SYNJ1: variants seen among roughly 807,000 people sequenced by gnomAD.
SYNJ1 encodes synaptojanin 1.
A neutral mutation model predicts 168.2 loss-of-function variants in SYNJ1; 78 were observed. The ratio of observed to expected loss-of-function variants is 0.46; its 90% confidence interval spans 0.39 to 0.56. SYNJ1 has a LOEUF of 0.56. Among genes scored for constraint, SYNJ1 ranks in the 20% least tolerant of loss-of-function variants. The pLI is 0.00. For synonymous variants in SYNJ1, 539 were observed against 548.6 expected, an observed-to-expected ratio of 0.98 and a Z score of 0.24; for missense variants, 1,303 against 1,597.6, an observed-to-expected ratio of 0.82 and a Z score of 3.14.
At chr21:32,706,160 C>A (rs749273638) in intron 2 of SYNJ1, among the ~76,000 whole-genome samples, 1 of 152,198 alleles carries the variant, frequency 6.6e-6, no homozygotes, top group Non-Finnish European at 1.5e-5. Context: ...GGAGAATCTA[C>A]AAAGTAACTG....
chr21:32,702,521 T>C (rs73194281), intron 2 of SYNJ1, among the ~76,000 whole-genome samples: 1,672 of 152,268 alleles, frequency 0.011, 14 homozygotes, highest in Non-Finnish European at 0.018. Context: ...CTATTATGAT[T>C]ATTCTATTGA....
chr21:32,645,002 A>G lies in SYNJ1; in HGVS notation c.3396T>C (p.Ala1132=), dbSNP rs1220663745. The G allele has an allele frequency of 1.2e-6, 2 of 1,602,712 alleles. No individual in the cohort carries two copies. Among genetic ancestry groups the G allele is most frequent in the East Asian group, 2.3e-5 (1 of 44,286 alleles). Residue 1132 remains alanine, a synonymous_variant, in exon 26 of 33, where the codon GCT becomes GCC. Coordinates refer to ENST00000674351, the MANE Select transcript of SYNJ1 (RefSeq NM_203446.3). ...CCTTTCTAGTGGGTGCAGGACTCCT[A>G]GCCCCTTATAGTTCATAAGAAAATA... ...PPQRPPPPSG[A]RSPAPTRKEF...
At chr21:32,714,818 A>G (rs942940181) in intron 2 of SYNJ1, among the ~76,000 whole-genome samples, 2 of 152,250 alleles carry the variant, frequency 1.3e-5, no homozygotes, top group African/African-American at 4.8e-5. Flanking sequence ...CAAACAGCAC[A>G]TGATATCTCA....
chr21:32,694,998 G>C, intron 5 of SYNJ1, 59 bp downstream of exon 5: 1 of 1,437,526 alleles, frequency 7.0e-7, no homozygotes, highest in South Asian at 1.3e-5. Flanking sequence ...TGTTATTCTA[G>C]TATTTTCTGT....
chr21:32,679,415 T>C (rs1266977538), intron 11 of SYNJ1, among the ~76,000 whole-genome samples: 1 of 152,184 alleles, frequency 6.6e-6, no homozygotes, highest in Non-Finnish European at 1.5e-5. Flanking sequence ...TTATTGCCCA[T>C]GCAAAAATAC....
At chr21:32,719,921 T>C (rs1192784457) in intron 2 of SYNJ1, among the ~76,000 whole-genome samples, 1 of 151,978 alleles carries the variant, frequency 6.6e-6, no homozygotes. Context: ...TATTAAGTAT[T>C]GTTTGTGGCC....
intron 7 of SYNJ1, among the ~76,000 whole-genome samples, chr21:32,687,951 A>G (rs2041889387): frequency 6.6e-6 from 1 of 151,796 alleles, no homozygotes; most frequent in Non-Finnish European, 1.5e-5. Flanking sequence ...GATACCTTAC[A>G]TTCTTTTTTA....
At chr21:32,646,677 A>G in intron 23 of SYNJ1, 75 bp from the exon 24 acceptor site, 1 of 1,119,658 alleles carries the variant, frequency 8.9e-7, no homozygotes, top group Non-Finnish European at 1.3e-6. Flanking sequence ...TTAGGTTTTA[A>G]AAAGTTAAAA....
chr21:32,645,126 T>C, intron 25 of SYNJ1, 120 bp from the exon 26 acceptor site: 1 of 921,706 alleles, frequency 1.1e-6, no homozygotes, highest in Non-Finnish European at 1.6e-6. Context: ...ACATATTATC[T>C]ACGTACTACA....
Position 32,650,243 on chromosome 21 carries a change from G to C in SYNJ1, c.2978C>G (p.Ser993Ter). 1 of 1,613,946 alleles carries C rather than the reference G, an allele frequency of 6.2e-7. No homozygotes were observed. The highest frequency in any genetic ancestry group is 1.7e-5 in the Admixed American group (1 of 59,994). The change falls in exon 23 of 33, where the codon TCA becomes TGA. Residue 993 changes from serine (S) to a stop codon, truncating the protein, a stop_gained. Transcript: ENST00000674351. LOFTEE classifies it high-confidence loss of function. ...LEKISIALPS[S>*]TSSTLLGEDA... Reference sequence around the variant, plus strand: ...TTCACCAAGCAGGGTAGAGCTTGTTGATGATGGCAATGCAATGCTAATTTT... The same window carrying C: ...TTCACCAAGCAGGGTAGAGCTTGTTCATGATGGCAATGCAATGCTAATTTT...
At chr21:32,642,638 C>T (rs997875998) in intron 27 of SYNJ1, among the ~76,000 whole-genome samples, 3 of 152,164 alleles carry the variant, frequency 2.0e-5, no homozygotes, top group African/African-American at 4.8e-5. Flanking sequence ...TGAGATCTTT[C>T]GGATTTCTAT....
rs1358565116 is a variant in SYNJ1 at position 32,639,021 on chromosome 21, C to T, written c.3802G>A (p.Ala1268Thr). 1 of 1,613,958 alleles carries T rather than the reference C, an allele frequency of 6.2e-7. No homozygotes were observed. Among genetic ancestry groups the T allele is most frequent in the South Asian group, 1.1e-5 (1 of 91,064 alleles). Residue 1268 changes from alanine to threonine, a missense_variant, in exon 31 of 33, where the codon GCA (alanine) becomes ACA (threonine). Physicochemically the swap from Ala to Thr is moderately conservative, Grantham distance 58. Coordinates refer to ENST00000674351, the MANE Select transcript of SYNJ1 (RefSeq NM_203446.3). ...GGGCCAGACTGAGGCATAGGTGCTG[C>T]CACAGGGACAAGAGGCTCTTGCAAC... ...QRLQEPLVPV[A>T]APMPQSGPQP...
intron 22 of SYNJ1, 138 bp from the exon 23 acceptor site, chr21:32,650,484 G>A (rs892666436): frequency 2.9e-6 from 2 of 685,460 alleles, no homozygotes; most frequent in African/African-American, 3.8e-5. Context: ...TAAAGAAATA[G>A]TTCTTTCACA....
chr21:32,631,301 T>A lies in SYNJ1; in HGVS notation c.*504A>T, dbSNP rs745632049. On this transcript the variant is annotated 3_prime_UTR_variant, in exon 33 of 33. Transcript: ENST00000674351. ...ATCCTTTCGGGTTGCTAATTTTTAA[T>A]GTAGACTGGCCCTGTAGATCAAAAC... 1 of 1,614,224 alleles carries A rather than the reference T, an allele frequency of 6.2e-7. No homozygotes were observed. Among genetic ancestry groups the A allele is most frequent in the East Asian group, 2.2e-5 (1 of 44,886 alleles).
In SYNJ1 at chr21:32,702,628, C is replaced by G. The variant is rs570522717; in HGVS notation, c.125-581G>C. On this transcript the variant is annotated intron_variant, in intron 2 of 32. Coordinates refer to ENST00000674351, the MANE Select transcript of SYNJ1 (RefSeq NM_203446.3). ...ACACATTAAAAATTTCACAAAGAAC[C>G]AAAGAAATATTAACAACCAGTATTT... Among the ~76,000 whole-genome samples, 4 of 152,214 alleles carry G rather than the reference C, an allele frequency of 2.6e-5. No individual in the cohort carries two copies. The East Asian group carries it at 5.8e-4, about 22-fold the overall frequency.
chr21:32,638,803 G>A (rs927041433), intron 31 of SYNJ1, 105 bp downstream of exon 31: 12 of 1,074,568 alleles, frequency 1.1e-5, no homozygotes, highest in South Asian at 6.9e-5. Flanking sequence ...ATTAAAACTC[G>A]TATTTATTTT....
At chr21:32,702,981 T>C (rs1157258783) in intron 2 of SYNJ1, among the ~76,000 whole-genome samples, 1 of 152,268 alleles carries the variant, frequency 6.6e-6, no homozygotes, top group African/African-American at 2.4e-5. Flanking sequence ...GCCTACTGCT[T>C]TGCCTAATAC....
Position 32,645,653 on chromosome 21 carries a change from C to G in SYNJ1, c.3384G>C (p.Pro1128=). ...GAAATAAAAGGTTGTCACCTGAAGG[C>G]GGAGGAGGTCTCTGTGGGGGAGCCG... The part of the protein sequence containing the change: ...TRPAPPQRPP[P]PSGARSPAPT... Residue 1128 remains proline, a synonymous_variant, in exon 25 of 33, where the codon CCG becomes CCC. Coordinates refer to ENST00000674351, the MANE Select transcript of SYNJ1 (RefSeq NM_203446.3). 6.5e-7 allele frequency: 1 copy of G among 1,527,072 alleles called. No individual in the cohort carries two copies. 94.6% of individuals were successfully genotyped at this position (1,527,072 alleles called of 1,614,324 possible).
At chr21:32,653,664 C>A (rs1390374483) in intron 21 of SYNJ1, 3 of 256,910 alleles carry the variant, frequency 1.2e-5, no homozygotes, top group East Asian at 1.8e-4. Context: ...ATTGACAAGG[C>A]AAAAAGGGAC....
Sources: allele counts gnomAD v4.1 joint callset (sites outside exome capture counted in the v4.1 genomes callset), GRCh38; gene constraint gnomAD v4.1.1; transcripts MANE v1.5; gene names NCBI Gene and HGNC (gene_info 2026-07-23, HGNC 2026-07-21).